The following GAREM1 variants were observed in gnomAD, a reference collection of about 807,000 sequenced individuals.
GAREM1 encodes GRB2 associated regulator of MAPK1 subtype 1, also known as GRB2-associated and regulator of MAPK protein 1.
A neutral mutation model predicts 71.3 loss-of-function variants in GAREM1; 26 were observed. The observed-to-expected ratio is 0.36, with a 90% CI of 0.27 to 0.51. The LOEUF is 0.51. Ranked by LOEUF, GAREM1 falls within the 20% of genes least tolerant of loss-of-function variation. The pLI is 0.95. For synonymous variants in GAREM1, 440 were observed against 433.2 expected (o/e 1.02, Z -0.20); for missense variants, 1,026 against 1,103.1 (o/e 0.93, Z 0.99).
At chr18:32,288,285 TAC>T in intron 3 of GAREM1, 82 bp from the exon 4 acceptor site, 1 of 1,106,922 alleles carries the variant, frequency 9.0e-7, no homozygotes, top group South Asian at 1.6e-5. Context: ...CACACACAAA[TAC>T]ACACACAGAG....
intron 1 of GAREM1, among the ~76,000 whole-genome samples, chr18:32,458,526 A>T (rs1568019456): frequency 6.6e-6 from 1 of 152,100 alleles, no homozygotes; most frequent in African/African-American, 2.4e-5. Context: ...ATGAACATTG[A>T]CTGCTGAAGA....
intron 2 of GAREM1, among the ~76,000 whole-genome samples, chr18:32,336,618 A>C (rs962909181): frequency 6.6e-6 from 1 of 152,196 alleles, no homozygotes; most frequent in African/African-American, 2.4e-5. Context: ...ACAATTATTG[A>C]AGTCTGCATA....
chr18:32,369,480 G>A (rs540822282), intron 2 of GAREM1, among the ~76,000 whole-genome samples: 1 of 152,178 alleles, frequency 6.6e-6, no homozygotes, highest in Non-Finnish European at 1.5e-5. Flanking sequence ...GATACATGGA[G>A]ATGGGTGGAG....
At chr18:32,448,715 C>G (rs1380463734) in intron 1 of GAREM1, among the ~76,000 whole-genome samples, 1 of 152,206 alleles carries the variant, frequency 6.6e-6, no homozygotes, top group African/African-American at 2.4e-5. Flanking sequence ...GGGAACAAGT[C>G]TTTTACAAAC....
intron 3 of GAREM1, among the ~76,000 whole-genome samples, chr18:32,293,901 A>T (rs2144485932): frequency 6.6e-6 from 1 of 152,320 alleles, no homozygotes; most frequent in Non-Finnish European, 1.5e-5. Context: ...TCCCATCATG[A>T]GGAAATATCA....
At chr18:32,354,564 G>A (rs1226408756) in intron 2 of GAREM1, among the ~76,000 whole-genome samples, 1 of 152,138 alleles carries the variant, frequency 6.6e-6, no homozygotes, top group Admixed American at 6.5e-5. Context: ...AGAGAAACAA[G>A]CTACAATCCC....
At chr18:32,436,479 TA>T (rs2048680103) in intron 1 of GAREM1, among the ~76,000 whole-genome samples, 2 of 152,158 alleles carry the variant, frequency 1.3e-5, no homozygotes, top group Non-Finnish European at 2.9e-5. Context: ...TTAACAGCTG[TA>T]ACTTAAATTC....
intron 1 of GAREM1, among the ~76,000 whole-genome samples, chr18:32,454,429 C>A (rs1300328262): frequency 6.6e-6 from 1 of 151,934 alleles, no homozygotes; most frequent in Non-Finnish European, 1.5e-5. Flanking sequence ...ATGTTAATTT[C>A]CATTCTGAAA....
chr18:32,438,671 T>C (rs1054038954), intron 1 of GAREM1, among the ~76,000 whole-genome samples: 4 of 152,194 alleles, frequency 2.6e-5, no homozygotes, highest in African/African-American at 7.2e-5. Flanking sequence ...ATGGAACTTA[T>C]CTTTTACTTC....
intron 3 of GAREM1, among the ~76,000 whole-genome samples, chr18:32,298,179 A>G (rs2047162429): frequency 2.0e-5 from 3 of 152,320 alleles, no homozygotes; most frequent in South Asian, 2.1e-4. Context: ...AAAAATGTGT[A>G]ACATATGTGA....
intron 2 of GAREM1, among the ~76,000 whole-genome samples, chr18:32,333,298 C>A (rs1276905600): frequency 6.6e-6 from 1 of 151,046 alleles, no homozygotes; most frequent in African/African-American, 2.4e-5. Context: ...AGTGGATGGA[C>A]CAAAAAAAGA....
intron 1 of GAREM1, among the ~76,000 whole-genome samples, chr18:32,430,863 T>C (rs1157760161): frequency 3.3e-5 from 5 of 152,178 alleles, no homozygotes; most frequent in Non-Finnish European, 2.9e-5. Context: ...TAAATGCAAT[T>C]GTGGGGAGTG....
At chr18:32,378,508 A>C (rs1224162386) in intron 2 of GAREM1, among the ~76,000 whole-genome samples, 5 of 151,788 alleles carry the variant, frequency 3.3e-5, no homozygotes, top group Middle Eastern at 3.4e-3. Flanking sequence ...CGAAAAAAAA[A>C]AAAAAAACAA....
chr18:32,374,995 T>C (rs932515914), intron 2 of GAREM1, among the ~76,000 whole-genome samples: 5 of 152,216 alleles, frequency 3.3e-5, no homozygotes, highest in South Asian at 4.2e-4. Flanking sequence ...ACATCTACTT[T>C]CTCCTAAAGA....
chr18:32,357,034 C>G (rs895422922), intron 2 of GAREM1, among the ~76,000 whole-genome samples: 10 of 152,206 alleles, frequency 6.6e-5, no homozygotes, highest in African/African-American at 2.4e-4. Context: ...CCCTTCCTTT[C>G]TGAGAGTAGG....
intron 1 of GAREM1, among the ~76,000 whole-genome samples, chr18:32,433,872 T>A (rs1281897392): frequency 6.6e-6 from 1 of 152,182 alleles, no homozygotes; most frequent in African/African-American, 2.4e-5. Flanking sequence ...CAGTCCAAAA[T>A]GATTTATAGA....
intron 2 of GAREM1, among the ~76,000 whole-genome samples, chr18:32,323,572 A>G (rs914021513): frequency 1.3e-5 from 2 of 152,120 alleles, no homozygotes; most frequent in African/African-American, 4.8e-5. Flanking sequence ...AGCCAAGTGT[A>G]GTGGTGTGCA....
At chr18:32,415,025 T>C (rs930287920) in intron 1 of GAREM1, among the ~76,000 whole-genome samples, 5 of 152,010 alleles carry the variant, frequency 3.3e-5, no homozygotes, top group African/African-American at 1.2e-4. Flanking sequence ...AAGGAGATAT[T>C]ACAACTGATA....
At chr18:32,368,655 A>C (rs928742731) in intron 2 of GAREM1, among the ~76,000 whole-genome samples, 17 of 152,148 alleles carry the variant, frequency 1.1e-4, no homozygotes, top group African/African-American at 4.1e-4. Flanking sequence ...CAAGTGGCAA[A>C]ATTATTAATT....
Sources: gnomAD v4.1 joint callset for allele counts (sites outside exome capture counted in the v4.1 genomes callset) on GRCh38, gnomAD v4.1.1 for gene constraint, MANE v1.5 for transcripts, NCBI Gene and HGNC (gene_info 2026-07-23, HGNC 2026-07-21) for gene names.